SGCZ: variants seen among roughly 807,000 people sequenced by gnomAD.
SGCZ encodes zeta-sarcoglycan.
Under a neutral mutation model 41.3 loss-of-function variants are expected in SGCZ, and 40 were observed. That is an observed-to-expected ratio of 0.97 (90% CI 0.75 to 1.26). SGCZ has a LOEUF of 1.26. Among genes scored for constraint, SGCZ ranks in the 50% most tolerant of loss-of-function variants. The pLI is 0.00. For missense variants in SGCZ, 552 were observed against 369.8 expected (o/e 1.49, Z -4.04); for synonymous variants, 206 against 137.5 (o/e 1.50, Z -3.49).
intron 1 of SGCZ, among the ~76,000 whole-genome samples, chr8:14,724,732 G>C (rs58899850): frequency 0.035 from 5,352 of 151,564 alleles, 312 homozygotes; most frequent in African/African-American, 0.12. Context: ...CATAATAGTT[G>C]TATATATTTA....
At chr8:14,603,504 G>C (rs1267567485) in intron 1 of SGCZ, among the ~76,000 whole-genome samples, 1 of 151,250 alleles carries the variant, frequency 6.6e-6, no homozygotes, top group Non-Finnish European at 1.5e-5. Flanking sequence ...AGATGTAAAA[G>C]AAAGAAACTT....
chr8:14,909,830 T>C (rs949551399), intron 1 of SGCZ, among the ~76,000 whole-genome samples: 3 of 152,114 alleles, frequency 2.0e-5, no homozygotes, highest in Non-Finnish European at 2.9e-5. Context: ...AATTCTGTCA[T>C]CCAGAAACCA....
chr8:14,666,206 TC>T (rs1807905398), intron 1 of SGCZ, among the ~76,000 whole-genome samples: 1 of 152,208 alleles, frequency 6.6e-6, no homozygotes, highest in Non-Finnish European at 1.5e-5. Flanking sequence ...TCATGAAGCA[TC>T]CTATTACTGA....
rs112601888 is a variant in SGCZ at position 14,150,530 on chromosome 8, G to C, written c.547+14050C>G. Among the ~76,000 whole-genome samples, 1,382 of 152,174 alleles carry C rather than the reference G, an allele frequency of 9.1e-3. 24 individuals are homozygous for C. The highest frequency in any genetic ancestry group is 0.032 in the African/African-American group (1,332 of 41,520). ...AAAGGACAGGCAATAATAAATGCTG[G>C]TGAGGATGCAGAGAAAAGGGAACCC... On this transcript the variant is annotated intron_variant, in intron 5 of 7. Transcript: ENST00000382080.
intron 2 of SGCZ, among the ~76,000 whole-genome samples, chr8:14,466,583 C>T (rs1311144635): frequency 1.3e-5 from 2 of 151,940 alleles, no homozygotes; most frequent in East Asian, 3.9e-4. Flanking sequence ...TCTCACAGTG[C>T]ACATATTGCT....
At chr8:15,032,691 A>C (rs1185697738) in intron 1 of SGCZ, among the ~76,000 whole-genome samples, 1 of 152,046 alleles carries the variant, frequency 6.6e-6, no homozygotes, top group African/African-American at 2.4e-5. Flanking sequence ...GTCAGCCCCC[A>C]GAGATTCAGA....
intron 2 of SGCZ, among the ~76,000 whole-genome samples, chr8:14,350,969 A>C (rs1252904067): frequency 6.6e-6 from 1 of 152,098 alleles, no homozygotes; most frequent in Non-Finnish European, 1.5e-5. Context: ...ATAAAACCTG[A>C]GGTTCCATTG....
intron 3 of SGCZ, among the ~76,000 whole-genome samples, chr8:14,239,107 A>G (rs1806876181): frequency 1.3e-5 from 2 of 152,070 alleles, no homozygotes. Flanking sequence ...AATTAATTAC[A>G]TCATCCTAAT....
intron 1 of SGCZ, among the ~76,000 whole-genome samples, chr8:14,625,808 C>T (rs28649806): frequency 0.35 from 52,916 of 151,990 alleles, 9,442 homozygotes; most frequent in East Asian, 0.63. Context: ...ATTAGTGACA[C>T]AGATATATTA....
intron 1 of SGCZ, among the ~76,000 whole-genome samples, chr8:14,766,709 C>T (rs964218692): frequency 1.5e-4 from 23 of 150,524 alleles, no homozygotes; most frequent in African/African-American, 5.6e-4. Flanking sequence ...CCACAGGCAC[C>T]TGTCACCATG....
chr8:14,877,356 T>C (rs774100140), intron 1 of SGCZ, among the ~76,000 whole-genome samples: 2 of 152,202 alleles, frequency 1.3e-5, no homozygotes, highest in Non-Finnish European at 2.9e-5. Flanking sequence ...AGAAAACAAA[T>C]ATTTAAAATA....
In SGCZ at chr8:15,201,295, G is replaced by C. The variant is rs1043738739; in HGVS notation, c.39+36290C>G. 6.6e-5 allele frequency among the ~76,000 whole-genome samples: 10 copies of C among 152,324 alleles called. No individual in the cohort carries two copies. In the East Asian group the frequency reaches 1.7e-3, roughly 26 times the overall value. On this transcript the variant is annotated intron_variant, in intron 1 of 7. Transcript: ENST00000382080. ...GCCTCCCAAAGTGTTGGGATTACAG[G>C]CGTGAGCCCCCGTGCCAGGCCTAGA... is the stretch of plus-strand genomic sequence containing the variant.
At chr8:14,920,154 C>T (rs994351152) in intron 1 of SGCZ, among the ~76,000 whole-genome samples, 15 of 152,038 alleles carry the variant, frequency 9.9e-5, no homozygotes, top group African/African-American at 3.4e-4. Context: ...GAAACAAAAA[C>T]TTGGAGTGCA....
intron 2 of SGCZ, among the ~76,000 whole-genome samples, chr8:14,511,977 G>T (rs555395079): frequency 2.0e-5 from 3 of 151,974 alleles, no homozygotes; most frequent in Non-Finnish European, 4.4e-5. Flanking sequence ...GCTGAACTCT[G>T]GAGGATAAAC....
At chr8:14,638,328 C>A (rs746974450) in intron 1 of SGCZ, among the ~76,000 whole-genome samples, 7 of 151,858 alleles carry the variant, frequency 4.6e-5, no homozygotes, top group Non-Finnish European at 8.8e-5. Flanking sequence ...AATGAATGAA[C>A]TAATTCCTCT....
chr8:14,786,940 G>C (rs1800787180), intron 1 of SGCZ, among the ~76,000 whole-genome samples: 1 of 151,838 alleles, frequency 6.6e-6, no homozygotes, highest in South Asian at 2.1e-4. Context: ...GGAAAGGGTA[G>C]AAAATAGATG....
chr8:15,044,623 A>G (rs1362742256), intron 1 of SGCZ, among the ~76,000 whole-genome samples: 4 of 152,270 alleles, frequency 2.6e-5, no homozygotes, highest in South Asian at 4.1e-4. Flanking sequence ...ATTGTGTTCA[A>G]TGAGGAAAAT....
intron 1 of SGCZ, among the ~76,000 whole-genome samples, chr8:15,211,672 G>C (rs982430907): frequency 1.3e-5 from 2 of 151,916 alleles, no homozygotes; most frequent in East Asian, 3.9e-4. Context: ...TAGTTCTCTA[G>C]ATCCTATTAT....
rs1008903297 is a variant in SGCZ, at chr8:14,086,445, G to C, written c.*3998C>G. 6.6e-6 allele frequency among the ~76,000 whole-genome samples: 1 copy of C among 151,630 alleles called. No individual in the cohort carries two copies. The highest frequency in any genetic ancestry group is 2.4e-5 in the African/African-American group (1 of 41,378). ...GTAAAACGAGGCATTCTCTGATTGA[G>C]TCATTCGATAGAATATGTAGGAATT... On this transcript the variant is annotated 3_prime_UTR_variant, in exon 8 of 8. Coordinates refer to ENST00000382080, the MANE Select transcript of SGCZ (RefSeq NM_139167.4).
Sources: allele counts gnomAD v4.1 joint callset (sites outside exome capture counted in the v4.1 genomes callset), GRCh38; gene constraint gnomAD v4.1.1; transcripts MANE v1.5; gene names NCBI Gene and HGNC (gene_info 2026-07-23, HGNC 2026-07-21).